Variants in PRH1 observed in about 807,000 individuals in gnomAD.
PRH1 encodes salivary acidic proline-rich phosphoprotein 1/2.
In PRH1, 7 loss-of-function variants were observed where a neutral mutation model predicts 7.9. The ratio of observed to expected loss-of-function variants is 0.89; its 90% CI spans 0.50 to 1.67. The LOEUF (loss-of-function observed/expected upper bound fraction) is 1.67. Ranked by LOEUF, PRH1 falls within the 40% of genes most tolerant of loss-of-function variation. PRH1 has a pLI of 0.00. For synonymous variants in PRH1, 45 were observed against 80.8 expected (o/e 0.56, Z 2.38); for missense variants, 109 against 223.6 (o/e 0.49, Z 3.27).
intron 2 of PRH1, among the ~76,000 whole-genome samples, chr12:10,915,563 T>C (rs1050514926): frequency 1.1e-5 from 1 of 91,556 alleles, no homozygotes; most frequent in African/African-American, 2.8e-5. Context: ...TATATTAAAA[T>C]GGAGGCCAGG....
At chr12:11,030,244 T>TA (rs199567504) in intron 1 of PRH1, 2 of 1,084,182 alleles carry the variant, frequency 1.8e-6, no homozygotes, top group Non-Finnish European at 2.5e-6. Context: ...CATATATATA[T>TA]TTTTTTTTCT....
At chr12:11,005,470 T>C (rs1442827593) in intron 1 of PRH1, among the ~76,000 whole-genome samples, 1 of 152,154 alleles carries the variant, frequency 6.6e-6, no homozygotes, top group African/African-American at 2.4e-5. Flanking sequence ...CACTGTGGAT[T>C]GATTTTTTAA....
intron 2 of PRH1, among the ~76,000 whole-genome samples, chr12:10,899,428 T>C (rs772548931): frequency 6.6e-6 from 1 of 152,136 alleles, no homozygotes; most frequent in African/African-American, 2.4e-5. Flanking sequence ...TAGTGAGAAG[T>C]GTTTGAGTCA....
chr12:10,887,222 A>G (rs556418622), upstream of PRH1, among the ~76,000 whole-genome samples: 2 of 152,306 alleles, frequency 1.3e-5, no homozygotes, highest in Admixed American at 1.3e-4. Context: ...GTTTGCCAGG[A>G]AAGATGAACA....
chr12:10,930,221 A>C, intron 2 of PRH1: 1 of 1,590,892 alleles, frequency 6.3e-7, no homozygotes, highest in South Asian at 1.1e-5. Flanking sequence ...ATGAGCTCTG[A>C]ATGATTCATG....
chr12:11,009,164 T>C (rs1453267493), intron 1 of PRH1, among the ~76,000 whole-genome samples: 1 of 151,876 alleles, frequency 6.6e-6, no homozygotes, highest in African/African-American at 2.4e-5. Flanking sequence ...TGAAAAAATA[T>C]CATTTTTAAT....
chr12:11,116,737 G>A (rs912099101), downstream of PRH1, among the ~76,000 whole-genome samples: 3 of 152,048 alleles, frequency 2.0e-5, no homozygotes, highest in Non-Finnish European at 4.4e-5. Flanking sequence ...GAACAAGTGG[G>A]ATTTATCCCT....
intron 1 of PRH1, among the ~76,000 whole-genome samples, chr12:11,006,709 A>T (rs1293475485): frequency 6.6e-6 from 1 of 152,078 alleles, no homozygotes; most frequent in Non-Finnish European, 1.5e-5. Context: ...CTAGACCTTA[A>T]ATTGGATATA....
In PRH1 at chr12:11,097,886, A is replaced by G. The variant is rs1388475074; in HGVS notation, n.124-50698T>C. 3.1e-5 allele frequency among the ~76,000 whole-genome samples: 3 copies of G among 96,760 alleles called. 1 individual carries two copies. The highest frequency in any genetic ancestry group is 7.6e-5 in the Non-Finnish European group (3 of 39,674). The allele number at this position is 96,760 out of a possible 152,430, so 63.5% of individuals were successfully genotyped here. A position where few individuals can be genotyped will look rare whatever the true frequency, so the allele number is the denominator to read the frequency against. ...GCCTCACGATTCTTCTATGATTCTC[A>G]GCATTAGGCCTAGACAAGTACCCTC... On this transcript the variant is annotated intron_variant and non_coding_transcript_variant, in intron 1 of 4. Transcript: ENST00000541977.
At chr12:11,163,133 G>A (rs1209496446) in intron 1 of PRH1, among the ~76,000 whole-genome samples, 2 of 151,996 alleles carry the variant, frequency 1.3e-5, no homozygotes, top group Admixed American at 1.3e-4. Context: ...ACTAAAGTTG[G>A]AACAATTACA....
At chr12:11,019,896 C>G (rs1018413422) in intron 1 of PRH1, among the ~76,000 whole-genome samples, 21 of 152,282 alleles carry the variant, frequency 1.4e-4, no homozygotes, top group South Asian at 2.1e-4. Context: ...CCCCGAGCAG[C>G]TGGCACTCAC....
At chr12:10,968,723 AGCCCTCATGG>A (rs1938637386) in intron 2 of PRH1, among the ~76,000 whole-genome samples, 1 of 152,210 alleles carries the variant, frequency 6.6e-6, no homozygotes, top group Admixed American at 6.5e-5. Flanking sequence ...CACTGCGCCC[AGCCCTCATGG>A]GAGGGAGCAC....
chr12:11,030,875 C>T (rs755394475), intron 1 of PRH1: 18 of 1,614,028 alleles, frequency 1.1e-5, no homozygotes, highest in South Asian at 8.8e-5. Flanking sequence ...TTCTTTTGTC[C>T]GTACAATCTC....
At chr12:10,923,811 CTTAT>C (rs1476925167) in intron 2 of PRH1, among the ~76,000 whole-genome samples, 1 of 151,978 alleles carries the variant, frequency 6.6e-6, no homozygotes, top group Admixed American at 6.5e-5. Flanking sequence ...GTTTTGTTTT[CTTAT>C]TTATTCTCTG....
At chr12:10,942,870 G>A (rs527635654) in intron 2 of PRH1, among the ~76,000 whole-genome samples, 52 of 152,150 alleles carry the variant, frequency 3.4e-4, no homozygotes, top group African/African-American at 1.3e-3. Context: ...GAGCTCACAG[G>A]GCCTTTTCTA....
At chr12:11,002,438 A>G (rs1038911365) in intron 1 of PRH1, among the ~76,000 whole-genome samples, 2 of 151,278 alleles carry the variant, frequency 1.3e-5, no homozygotes, top group Non-Finnish European at 3.0e-5. Context: ...TTTACTGGCT[A>G]TTTTTTTTTC....
At chr12:10,996,749 GACAT>G (rs1407087065) in intron 1 of PRH1, 7 of 380,456 alleles carry the variant, frequency 1.8e-5, no homozygotes, top group Non-Finnish European at 3.2e-5. Context: ...TATACATTCA[GACAT>G]ACACACACAC....
chr12:10,889,380 C>T (rs1949539024), intron 2 of PRH1, among the ~76,000 whole-genome samples: 1 of 152,098 alleles, frequency 6.6e-6, no homozygotes, highest in African/African-American at 2.4e-5. Flanking sequence ...ATAATAACCA[C>T]TATTATTTAT....
At chr12:11,099,243 A>G (rs1215815506) in intron 1 of PRH1, among the ~76,000 whole-genome samples, 1 of 152,148 alleles carries the variant, frequency 6.6e-6, no homozygotes, top group African/African-American at 2.4e-5. Context: ...CATACTGGGG[A>G]TTCTTCCTCT....
Sources: allele counts gnomAD v4.1 joint callset (sites outside exome capture counted in the v4.1 genomes callset), GRCh38; gene constraint gnomAD v4.1.1; transcripts MANE v1.5; gene names NCBI Gene and HGNC (gene_info 2026-07-23, HGNC 2026-07-21).